The following UBE3C variants were observed in gnomAD, a reference collection of about 807,000 sequenced individuals.
UBE3C encodes the protein ubiquitin-protein ligase E3C.
In UBE3C, 42 loss-of-function variants were observed where a neutral mutation model predicts 129.4. The observed-to-expected ratio is 0.32, with a 90% CI of 0.25 to 0.42. The LOEUF is 0.42. Among genes scored for constraint, UBE3C ranks in the 10% least tolerant of loss-of-function variants. The probability of loss-of-function intolerance (pLI) is 1.00; values close to 1 mark genes in which losing one functional copy is unlikely to be tolerated. For missense variants in UBE3C, 1,049 were observed against 1,319.1 expected, an observed-to-expected ratio of 0.80 and a Z score of 3.17; for synonymous variants, 510 against 492.4, an observed-to-expected ratio of 1.04 and a Z score of -0.47.
intron 17 of UBE3C, among the ~76,000 whole-genome samples, chr7:157,230,340 G>A (rs2116635186): frequency 6.6e-6 from 1 of 151,096 alleles, no homozygotes; most frequent in Non-Finnish European, 1.5e-5. Flanking sequence ...ATTGGAAGAG[G>A]AATAATTGTC....
intron 22 of UBE3C, among the ~76,000 whole-genome samples, chr7:157,264,532 C>CCT (rs1386171106): frequency 2.0e-5 from 3 of 151,194 alleles, no homozygotes; most frequent in Non-Finnish European, 2.9e-5. Flanking sequence ...CACACACACA[C>CCT]ACCTGGTATT....
chr7:157,191,158 A>G (rs1808952246), intron 10 of UBE3C, among the ~76,000 whole-genome samples: 2 of 152,376 alleles, frequency 1.3e-5, no homozygotes, highest in South Asian at 4.1e-4. Context: ...AGTACAGTGA[A>G]GCAGCTTAAT....
At chr7:157,232,647 T>A (rs1228197780) in intron 18 of UBE3C, among the ~76,000 whole-genome samples, 3 of 152,222 alleles carry the variant, frequency 2.0e-5, no homozygotes, top group African/African-American at 7.2e-5. Context: ...CCACTGCACC[T>A]GGCCTGTTAT....
chr7:157,165,815 T>C (rs1370323294), intron 2 of UBE3C, among the ~76,000 whole-genome samples: 1 of 152,230 alleles, frequency 6.6e-6, no homozygotes, highest in Non-Finnish European at 1.5e-5. Flanking sequence ...AACATAATTA[T>C]AGATTTTTTA....
At chr7:157,253,011 C>T (rs554513480) in intron 19 of UBE3C, among the ~76,000 whole-genome samples, 1 of 152,168 alleles carries the variant, frequency 6.6e-6, no homozygotes, top group Non-Finnish European at 1.5e-5. Flanking sequence ...GGATTAGAGG[C>T]GTGAGCCACT....
rs751435138 is a variant in UBE3C at position 157,248,261 on chromosome 7, T to C, written c.2482-107T>C. The C allele has an allele frequency of 5.9e-5, 60 of 1,017,638 alleles. No homozygotes were observed. The Admixed American group carries it at 1.0e-3, about 18-fold the overall frequency. The allele number at this position is 1,017,638 out of a possible 1,614,324, so 63.0% of individuals were successfully genotyped here. A position where few individuals can be genotyped will look rare whatever the true frequency, so the allele number is the denominator to read the frequency against. ...CATCTTCGGTACTATGAGGAGAAAA[T>C]ACCTGCTCTCTTAGGATTGGGTTTA... On this transcript the variant is annotated intron_variant, in intron 18 of 22. Coordinates refer to ENST00000348165, the MANE Select transcript of UBE3C (RefSeq NM_014671.3).
At chr7:157,212,192 T>C (rs920072163) in intron 13 of UBE3C, among the ~76,000 whole-genome samples, 5 of 152,026 alleles carry the variant, frequency 3.3e-5, no homozygotes. Context: ...CAGGACTAGA[T>C]CTACTGTAGA....
At chr7:157,203,681 TATG>T (rs1162673566) in intron 11 of UBE3C, among the ~76,000 whole-genome samples, 1 of 152,242 alleles carries the variant, frequency 6.6e-6, no homozygotes, top group Non-Finnish European at 1.5e-5. Flanking sequence ...AATACTATTT[TATG>T]ATAGGGTAGT....
At chr7:157,156,527 G>A (rs184825772) in intron 1 of UBE3C, among the ~76,000 whole-genome samples, 413 of 151,560 alleles carry the variant, frequency 2.7e-3, no homozygotes, top group Non-Finnish European at 3.6e-3. Flanking sequence ...GGCTGGTCTT[G>A]AACTCCTAAC....
At chr7:157,187,058 G>T (rs1042477714) in intron 10 of UBE3C, 37 bp downstream of exon 10, 15 of 1,547,628 alleles carry the variant, frequency 9.7e-6, no homozygotes, top group Non-Finnish European at 1.3e-5. Context: ...GGGGGTGCCA[G>T]CCAGAGAACA....
chr7:157,207,605 T>A (rs759216686), intron 12 of UBE3C, 50 bp downstream of exon 12: 2 of 1,592,744 alleles, frequency 1.3e-6, no homozygotes, highest in South Asian at 2.3e-5. Flanking sequence ...GCCCATCAGT[T>A]TTCATAGACA....
intron 18 of UBE3C, among the ~76,000 whole-genome samples, chr7:157,235,937 A>C (rs2116648599): frequency 6.6e-6 from 1 of 152,374 alleles, no homozygotes; most frequent in South Asian, 2.1e-4. Flanking sequence ...TGAACATTAC[A>C]TCTTCAAGAG....
intron 22 of UBE3C, among the ~76,000 whole-genome samples, chr7:157,259,173 C>T (rs992677187): frequency 6.6e-5 from 10 of 152,252 alleles, no homozygotes; most frequent in African/African-American, 2.4e-4. Context: ...TCAGGCCCCA[C>T]TCAGACCTGA....
At chr7:157,143,086 C>T (rs1586638406) in intron 1 of UBE3C, among the ~76,000 whole-genome samples, 1 of 152,016 alleles carries the variant, frequency 6.6e-6, no homozygotes, top group Non-Finnish European at 1.5e-5. Context: ...GGGCGGGTCT[C>T]GAACTCCCGA....
chr7:157,244,483 A>G (rs1796425618), intron 18 of UBE3C, among the ~76,000 whole-genome samples: 1 of 152,130 alleles, frequency 6.6e-6, no homozygotes, highest in South Asian at 2.1e-4. Context: ...TTGCTCAGTT[A>G]GGATGGCTTT....
chr7:157,227,095 A>C (rs1391428388), intron 17 of UBE3C, among the ~76,000 whole-genome samples: 1 of 152,350 alleles, frequency 6.6e-6, no homozygotes, highest in Non-Finnish European at 1.5e-5. Context: ...TGGTGTACAC[A>C]GCTGATGCTC....
At chr7:157,143,054 A>G (rs1292308186) in intron 1 of UBE3C, among the ~76,000 whole-genome samples, 2 of 151,878 alleles carry the variant, frequency 1.3e-5, no homozygotes, top group African/African-American at 2.4e-5. Context: ...TTTAGTAGAG[A>G]TGGGGTTTCT....
In UBE3C at chr7:157,216,927, C is replaced by G. The variant is rs1370552699; in HGVS notation, c.1870C>G (p.Pro624Ala). The G allele has an allele frequency of 3.1e-6, 5 of 1,613,974 alleles. No homozygotes were observed. Among genetic ancestry groups the G allele is most frequent in the Non-Finnish European group, 4.2e-6 (5 of 1,179,968 alleles). Residue 624 changes from proline (P) to alanine (A), a missense_variant, in exon 14 of 23, where the codon CCA becomes GCA. Transcript: ENST00000348165. ...AGACACGAGGAGAAATTTTTGTCCT[C>G]CAAACCACTGGCTGTCAGAACAAGA... ...SRDTRRNFCP[P>A]NHWLSEQEDI...
intron 11 of UBE3C, among the ~76,000 whole-genome samples, chr7:157,204,046 C>T (rs1355801536): frequency 2.6e-5 from 4 of 152,168 alleles, no homozygotes; most frequent in African/African-American, 4.8e-5. Context: ...GTACTGAAAG[C>T]GTAAAAACAG....
Sources: allele counts gnomAD v4.1 joint callset (sites outside exome capture counted in the v4.1 genomes callset), GRCh38; gene constraint gnomAD v4.1.1; transcripts MANE v1.5; gene names NCBI Gene and HGNC (gene_info 2026-07-23, HGNC 2026-07-21).